SPTY2D1: variants seen among roughly 807,000 people sequenced by gnomAD.
SPTY2D1 encodes protein SPT2 homolog.
SPTY2D1 carries 21 observed loss-of-function variants against 64.0 expected under a neutral mutation model. That is an observed-to-expected ratio of 0.33 (90% CI 0.23 to 0.47). SPTY2D1 has a LOEUF of 0.47. SPTY2D1 is among the 20% of genes least tolerant of loss of function. The pLI is 1.00. For missense variants in SPTY2D1, 724 were observed against 837.2 expected (o/e 0.86, Z 1.67); for synonymous variants, 287 against 286.8 (o/e 1.00, Z -0.01).
intron 1 of SPTY2D1, among the ~76,000 whole-genome samples, chr11:18,631,604 A>C (rs1435485585): frequency 2.1e-5 from 1 of 48,398 alleles, no homozygotes; most frequent in Non-Finnish European, 5.2e-5. Context: ...ATAGATAACA[A>C]AAAAAAAAAA....
At chr11:18,616,354 C>G (rs1264241835) in intron 2 of SPTY2D1, among the ~76,000 whole-genome samples, 1 of 152,070 alleles carries the variant, frequency 6.6e-6, no homozygotes, top group Non-Finnish European at 1.5e-5. Context: ...AATACATTAC[C>G]AAGTTAAGAG....
Position 18,607,346 on chromosome 11 carries a change from A to T in SPTY2D1, c.*2515T>A, listed in dbSNP as rs1332570127. 1.3e-5 allele frequency: 2 copies of T among 152,770 alleles called. No individual in the cohort carries two copies. The highest frequency in any genetic ancestry group is 4.8e-5 in the African/African-American group (2 of 41,470). The allele number at this position is 152,770 out of a possible 1,614,324, so 9.5% of individuals were successfully genotyped here. A position where few individuals can be genotyped will look rare whatever the true frequency, so the allele number is the denominator to read the frequency against. On this transcript the variant is annotated 3_prime_UTR_variant, in exon 6 of 6. Transcript: ENST00000336349. ...GCTTTGACATAGCAATATCAAAAGC[A>T]AGTGGGACTGTGCAATCAGAGCCAT...
rs375324002 is a variant in SPTY2D1 at position 18,626,627 on chromosome 11, G to A, written c.60+7571C>T. ...GATTCTCTGCTCTACCATATCTAGC[G>A]TTAGCTCTGTGACCATGGGCAAGTT... On this transcript the variant is annotated intron_variant, in intron 1 of 5. Coordinates refer to ENST00000336349, the MANE Select transcript of SPTY2D1 (RefSeq NM_194285.3). Among the ~76,000 whole-genome samples the A allele has an allele frequency of 1.6e-3, 241 of 152,262 alleles. No individual in the cohort carries two copies. In the South Asian group the frequency reaches 0.033, roughly 21 times the overall value.
In SPTY2D1 at chr11:18,616,865, A is replaced by T. The variant is rs1854308004; in HGVS notation, c.175+10T>A. 3 of 1,612,298 alleles carry T rather than the reference A, an allele frequency of 1.9e-6. No homozygotes were observed. The highest frequency in any genetic ancestry group is 2.5e-6 in the Non-Finnish European group (3 of 1,178,688). On this transcript the variant is annotated intron_variant, in intron 2 of 5. Transcript: ENST00000336349. ...ACTTTAAAATTGAGAATAAGGCTAT[A>T]GATACATACCTTTTCGTCTCAGCTC...
At chr11:18,629,243 G>T (rs1489766043) in intron 1 of SPTY2D1, among the ~76,000 whole-genome samples, 1 of 152,188 alleles carries the variant, frequency 6.6e-6, no homozygotes, top group African/African-American at 2.4e-5. Context: ...GCTCGCGCCT[G>T]TAATTCCAGC....
At chr11:18,626,745 G>A (rs1332132332) in intron 1 of SPTY2D1, among the ~76,000 whole-genome samples, 1 of 152,208 alleles carries the variant, frequency 6.6e-6, no homozygotes, top group Non-Finnish European at 1.5e-5. Context: ...AACAGTGCCT[G>A]GCACAGAGTA....
chr11:18,622,106 C>CAAAAAAA, intron 1 of SPTY2D1, among the ~76,000 whole-genome samples: 1 of 28,178 alleles, frequency 3.5e-5, no homozygotes, highest in Non-Finnish European at 1.1e-4. Context: ...AAAAAAAAAC[C>CAAAAAAA]AAAACCAAAA....
chr11:18,618,063 A>G (rs1487679340), intron 1 of SPTY2D1, among the ~76,000 whole-genome samples: 3 of 151,978 alleles, frequency 2.0e-5, no homozygotes, highest in Non-Finnish European at 4.4e-5. Context: ...AGAAAAAACT[A>G]CTCCTCACAA....
rs1262092258 is a variant in SPTY2D1 at position 18,612,718 on chromosome 11, T to C, written c.1712-230A>G. Among the ~76,000 whole-genome samples the C allele has an allele frequency of 6.6e-6, 1 of 152,092 alleles. No homozygotes were observed. Among genetic ancestry groups the C allele is most frequent in the Non-Finnish European group, 1.5e-5 (1 of 68,024 alleles). On this transcript the variant is annotated intron_variant, in intron 3 of 5. Transcript: ENST00000336349. This position sits in a 1 kb window ranked among gnomAD's most constrained non-coding sequence, Gnocchi z 4.6. ...AAATATCTTGTTACATTTTCTAGCT[T>C]AGTAGTGCCAATATTTCTGAATTTA...
chr11:18,628,571 G>A (rs1854535527), intron 1 of SPTY2D1, among the ~76,000 whole-genome samples: 1 of 152,182 alleles, frequency 6.6e-6, no homozygotes, highest in Non-Finnish European at 1.5e-5. Flanking sequence ...TGGCACATAA[G>A]AGAATGCATA....
At chr11:18,622,972 C>CAA (rs1420928615) in intron 1 of SPTY2D1, among the ~76,000 whole-genome samples, 1 of 151,786 alleles carries the variant, frequency 6.6e-6, no homozygotes, top group Non-Finnish European at 1.5e-5. Flanking sequence ...ACAACAACAA[C>CAA]AACAACAACA....
intron 1 of SPTY2D1, 68 bp from the exon 2 acceptor site, chr11:18,617,057 C>T: frequency 1.5e-6 from 2 of 1,307,922 alleles, no homozygotes; most frequent in Non-Finnish European, 2.2e-6. Flanking sequence ...GTATAAGGCA[C>T]TGTGCCAGGT....
At chr11:18,628,262 C>T (rs1482148609) in intron 1 of SPTY2D1, among the ~76,000 whole-genome samples, 2 of 152,202 alleles carry the variant, frequency 1.3e-5, no homozygotes, top group Non-Finnish European at 2.9e-5. Context: ...TTTTGGAGTA[C>T]TCCATTTGGC....
At chr11:18,624,477 C>A (rs929810997) in intron 1 of SPTY2D1, among the ~76,000 whole-genome samples, 2 of 152,214 alleles carry the variant, frequency 1.3e-5, no homozygotes, top group African/African-American at 4.8e-5. Flanking sequence ...TTCTGCTACA[C>A]CCCAATGAAT....
At chr11:18,631,134 C>T (rs942800284) in intron 1 of SPTY2D1, among the ~76,000 whole-genome samples, 4 of 152,228 alleles carry the variant, frequency 2.6e-5, no homozygotes, top group African/African-American at 9.6e-5. Context: ...CCACAGCACC[C>T]AGCCAGAAAT....
At chr11:18,613,921 G>A (rs1212278479) in intron 3 of SPTY2D1, among the ~76,000 whole-genome samples, 2 of 152,154 alleles carry the variant, frequency 1.3e-5, no homozygotes, top group Non-Finnish European at 2.9e-5. Context: ...ATAAGCTTCC[G>A]ATTATACCCT....
intron 1 of SPTY2D1, among the ~76,000 whole-genome samples, chr11:18,632,619 G>A (rs1854606521): frequency 1.3e-5 from 2 of 152,214 alleles, no homozygotes; most frequent in African/African-American, 4.8e-5. Flanking sequence ...AAAGTGCTGG[G>A]ATTACAGGCC....
chr11:18,608,892 A>G lies in SPTY2D1; in HGVS notation c.*969T>C, dbSNP rs554207009. On this transcript the variant is annotated 3_prime_UTR_variant, in exon 6 of 6. Transcript: ENST00000336349. ...TTTAGTTTTTGGTTTTCTGCCATTA[A>G]TATTTGCTAACAAATTCAAGCTAAA... The G allele has an allele frequency of 6.6e-6, 1 of 152,078 alleles. No homozygotes were observed. Among genetic ancestry groups the G allele is most frequent in the African/African-American group, 2.4e-5 (1 of 41,488 alleles). 9.4% of individuals were successfully genotyped at this position (152,078 alleles called of 1,614,324 possible).
chr11:18,626,741 G>A (rs967234331), intron 1 of SPTY2D1, among the ~76,000 whole-genome samples: 1 of 152,206 alleles, frequency 6.6e-6, no homozygotes, highest in Non-Finnish European at 1.5e-5. Flanking sequence ...TTAGAACAGT[G>A]CCTGGCACAG....
Sources: allele counts gnomAD v4.1 joint callset (sites outside exome capture counted in the v4.1 genomes callset), GRCh38; gene constraint gnomAD v4.1.1; non-coding constraint Gnocchi (gnomAD v3.1); transcripts MANE v1.5; gene names NCBI Gene and HGNC (gene_info 2026-07-23, HGNC 2026-07-21).